MICU1: variants seen among roughly 807,000 people sequenced by gnomAD.
MICU1 encodes calcium uptake protein 1, mitochondrial.
Under a neutral mutation model 56.8 loss-of-function variants are expected in MICU1, and 45 were observed. The observed-to-expected ratio is 0.79, with a 90% confidence interval of 0.62 to 1.02. The LOEUF is 1.02. Ranked by LOEUF, MICU1 falls within the 50% of genes least tolerant of loss-of-function variation. The pLI, the probability that MICU1 is intolerant of heterozygous loss-of-function variation, is 0.00. For synonymous variants in MICU1, 186 were observed against 195.1 expected, an observed-to-expected ratio of 0.95 and a Z score of 0.39; for missense variants, 504 against 587.1, an observed-to-expected ratio of 0.86 and a Z score of 1.46.
At chr10:72,498,351 C>A (rs991704581) in intron 6 of MICU1, among the ~76,000 whole-genome samples, 5 of 152,226 alleles carry the variant, frequency 3.3e-5, no homozygotes, top group Admixed American at 2.6e-4. Flanking sequence ...TTTGGGAGGC[C>A]AAGGTGGGCG....
chr10:72,458,879 ATTTTTTT>A (rs538552469), intron 8 of MICU1, among the ~76,000 whole-genome samples: 12 of 126,326 alleles, frequency 9.5e-5, no homozygotes, highest in East Asian at 4.6e-4. Context: ...CCCAGCTACC[ATTTTTTT>A]TTTTTTTTTT....
intron 3 of MICU1, among the ~76,000 whole-genome samples, chr10:72,553,143 C>T (rs1405391781): frequency 6.6e-6 from 1 of 152,248 alleles, no homozygotes; most frequent in East Asian, 1.9e-4. Flanking sequence ...TCTCAGCAGC[C>T]TTGAGACATA....
intron 5 of MICU1, chr10:72,532,785 T>C: frequency 1.1e-6 from 1 of 915,598 alleles, no homozygotes; most frequent in South Asian, 5.0e-5. Flanking sequence ...GAAAGGTAAC[T>C]TTTAGGCAGG....
chr10:72,475,758 C>T lies in MICU1; in HGVS notation c.736-461G>A, dbSNP rs141210781. The T allele has an allele frequency of 6.1e-5, 27 of 445,308 alleles. No homozygotes were observed. In the East Asian group the frequency reaches 1.8e-3, roughly 30 times the overall value. The allele number at this position is 445,308 out of a possible 1,614,324, so 27.6% of individuals were successfully genotyped here. On this transcript the variant is annotated intron_variant, in intron 7 of 11. Coordinates refer to ENST00000361114, the MANE Select transcript of MICU1 (RefSeq NM_001195518.2). ...ATAATCTTATAGGTGCTATTATTATCCTTATTTTATAAATAAGATTGAAGC... is the reference window on the plus strand; with the variant it reads ...ATAATCTTATAGGTGCTATTATTATTCTTATTTTATAAATAAGATTGAAGC...
chr10:72,375,061 T>C (rs557007190), intron 11 of MICU1, among the ~76,000 whole-genome samples: 9 of 152,212 alleles, frequency 5.9e-5, no homozygotes, highest in African/African-American at 1.9e-4. Context: ...TCCGCCTGCC[T>C]CAGCCTCCCA....
intron 1 of MICU1, among the ~76,000 whole-genome samples, chr10:72,603,565 C>T (rs1841602601): frequency 6.6e-6 from 1 of 151,708 alleles, no homozygotes; most frequent in Non-Finnish European, 1.5e-5. Flanking sequence ...CACCTATAAT[C>T]CCAGCACTTT....
intron 10 of MICU1, among the ~76,000 whole-genome samples, chr10:72,395,488 C>T (rs2132075855): frequency 6.6e-6 from 1 of 152,276 alleles, no homozygotes; most frequent in South Asian, 2.1e-4. Context: ...CGTCGCCTCA[C>T]CTGGGAAGCA....
intron 5 of MICU1, chr10:72,523,688 T>G (rs1271927466): frequency 1.5e-6 from 1 of 656,490 alleles, no homozygotes; most frequent in African/African-American, 1.9e-5. Flanking sequence ...AATTTATATT[T>G]TTAAGACTGC....
intron 2 of MICU1, among the ~76,000 whole-genome samples, chr10:72,565,456 A>G (rs1420009208): frequency 1.6e-5 from 2 of 127,186 alleles, no homozygotes; most frequent in Admixed American, 1.0e-4. Context: ...ACATGGACAC[A>G]GGAAGGGGAA....
At chr10:72,387,557 C>T (rs1862931239) in intron 10 of MICU1, among the ~76,000 whole-genome samples, 1 of 152,078 alleles carries the variant, frequency 6.6e-6, no homozygotes, top group Admixed American at 6.6e-5. Context: ...GTTAGATATT[C>T]CTAGGAACAG....
At chr10:72,514,163 C>T (rs1670341210) in intron 5 of MICU1, among the ~76,000 whole-genome samples, 1 of 152,040 alleles carries the variant, frequency 6.6e-6, no homozygotes, top group Non-Finnish European at 1.5e-5. Flanking sequence ...AGCTCTTGTA[C>T]TTTTCAGTTC....
chr10:72,396,794 C>T (rs531043663), intron 10 of MICU1, among the ~76,000 whole-genome samples: 2 of 152,126 alleles, frequency 1.3e-5, no homozygotes, highest in African/African-American at 4.8e-5. Context: ...GTGCAAAGAC[C>T]AAATCTACAT....
intron 6 of MICU1, among the ~76,000 whole-genome samples, chr10:72,486,473 T>C (rs1035435956): frequency 6.6e-6 from 1 of 152,190 alleles, no homozygotes; most frequent in Non-Finnish European, 1.5e-5. Flanking sequence ...ATTTGTTTTT[T>C]TGTTTTGTTT....
At chr10:72,597,967 G>C (rs773434042) in intron 1 of MICU1, among the ~76,000 whole-genome samples, 44 of 152,250 alleles carry the variant, frequency 2.9e-4, no homozygotes, top group Non-Finnish European at 6.2e-4. Flanking sequence ...CAAGTTTTTG[G>C]ATTAAGGATG....
intron 10 of MICU1, among the ~76,000 whole-genome samples, chr10:72,385,399 A>C (rs1862853272): frequency 6.6e-6 from 1 of 152,080 alleles, no homozygotes; most frequent in Non-Finnish European, 1.5e-5. Flanking sequence ...CTGAGACAGG[A>C]GAATCACTAG....
chr10:72,586,220 TA>T (rs1841055564), intron 1 of MICU1, among the ~76,000 whole-genome samples: 1 of 151,780 alleles, frequency 6.6e-6, no homozygotes, highest in Non-Finnish European at 1.5e-5. Context: ...CTATGTTGCT[TA>T]AGCTAGTCTC....
intron 1 of MICU1, among the ~76,000 whole-genome samples, chr10:72,616,441 G>C (rs928895149): frequency 6.6e-6 from 1 of 151,862 alleles, no homozygotes; most frequent in Non-Finnish European, 1.5e-5. Flanking sequence ...TACAAAATTA[G>C]CCAGGCATGG....
chr10:72,552,504 G>A (rs1414738057), intron 3 of MICU1, among the ~76,000 whole-genome samples: 1 of 151,998 alleles, frequency 6.6e-6, no homozygotes, highest in African/African-American at 2.4e-5. Flanking sequence ...TGTCCATAAA[G>A]CAATTTACCA....
intron 1 of MICU1, among the ~76,000 whole-genome samples, chr10:72,611,836 C>T (rs1375795333): frequency 6.6e-6 from 1 of 151,852 alleles, no homozygotes; most frequent in African/African-American, 2.4e-5. Context: ...ACTGTCACAA[C>T]GCTATCTGGG....
Sources: gnomAD v4.1 joint callset for allele counts (sites outside exome capture counted in the v4.1 genomes callset) on GRCh38, gnomAD v4.1.1 for gene constraint, MANE v1.5 for transcripts, NCBI Gene and HGNC (gene_info 2026-07-23, HGNC 2026-07-21) for gene names.